Variants in PRKN observed in about 807,000 individuals in gnomAD.
The protein encoded by PRKN is E3 ubiquitin-protein ligase parkin.
PRKN carries 56 observed loss-of-function variants against 59.5 expected under a neutral mutation model. The ratio of observed to expected loss-of-function variants is 0.94; its 90% CI spans 0.76 to 1.18. The LOEUF is 1.18. PRKN is among the 50% of genes most tolerant of loss of function. The pLI, the probability that PRKN is intolerant of heterozygous loss-of-function variation, is 0.00. For synonymous variants in PRKN, 250 were observed against 222.1 expected, an observed-to-expected ratio of 1.13 and a Z score of -1.12; for missense variants, 657 against 596.4, an observed-to-expected ratio of 1.10 and a Z score of -1.06.
intron 2 of PRKN, among the ~76,000 whole-genome samples, chr6:162,313,079 T>G (rs1253359569): frequency 1.3e-5 from 2 of 152,182 alleles, no homozygotes; most frequent in African/African-American, 4.8e-5. Flanking sequence ...TTTTTTCTGC[T>G]GTAAAAAGTA....
At chr6:162,037,544 C>CTTTTT (rs543590715) in intron 5 of PRKN, among the ~76,000 whole-genome samples, 1 of 137,430 alleles carries the variant, frequency 7.3e-6, no homozygotes. Context: ...TTACCCTCTG[C>CTTTTT]TTTTTTTTTT....
chr6:161,984,341 T>A (rs1396489692), intron 5 of PRKN, among the ~76,000 whole-genome samples: 1 of 152,162 alleles, frequency 6.6e-6, no homozygotes, highest in Non-Finnish European at 1.5e-5. Context: ...CACCGCAACC[T>A]CCGTCCCGTG....
At chr6:162,354,970 T>C (rs552461335) in intron 2 of PRKN, among the ~76,000 whole-genome samples, 1 of 152,046 alleles carries the variant, frequency 6.6e-6, no homozygotes, top group East Asian at 1.9e-4. Flanking sequence ...ATTAAAAAAA[T>C]AATATTGTTA....
Position 161,417,448 on chromosome 6 carries a change from C to CAA in PRKN, c.1084-30573_1084-30572dup, listed in dbSNP as rs397741750. Among the ~76,000 whole-genome samples the CAA allele has an allele frequency of 7.5e-3, 852 of 112,858 alleles. 18 individuals are homozygous for CAA. Among genetic ancestry groups the CAA allele is most frequent in the South Asian group, 0.022 (78 of 3,488 alleles). 74.0% of individuals were successfully genotyped at this position (112,858 alleles called of 152,430 possible). On this transcript the variant is annotated intron_variant, in intron 9 of 11. Coordinates refer to ENST00000366898, the MANE Select transcript of PRKN (RefSeq NM_004562.3). The surrounding 1 kb of genome is among the most constrained non-coding windows in gnomAD (Gnocchi z 5.4). Reference sequence around the variant, plus strand: ...CTGGCAACAGAGCCAGACGCCGTTTCAAAAAAAAAAAAAAAAAGTCATCTA... The same window carrying CAA: ...CTGGCAACAGAGCCAGACGCCGTTTCAAAAAAAAAAAAAAAAAAAGTCATCTA...
At chr6:162,618,821 T>G (rs1453964613) in intron 1 of PRKN, among the ~76,000 whole-genome samples, 1 of 152,172 alleles carries the variant, frequency 6.6e-6, no homozygotes, top group Non-Finnish European at 1.5e-5. Flanking sequence ...GGATATTACA[T>G]GTGTAGAGAA....
chr6:162,166,938 C>T (rs969295111), intron 4 of PRKN, among the ~76,000 whole-genome samples: 1 of 152,134 alleles, frequency 6.6e-6, no homozygotes, highest in African/African-American at 2.4e-5. Context: ...CTGACTTTCC[C>T]AACTCCTCAA....
At chr6:162,442,926 C>G (rs1396257027) in intron 2 of PRKN, among the ~76,000 whole-genome samples, 2 of 152,106 alleles carry the variant, frequency 1.3e-5, no homozygotes, top group Non-Finnish European at 2.9e-5. Context: ...AGTGCAGGGA[C>G]TGAGCAGCCT....
At chr6:161,412,315 C>T (rs979812760) in intron 9 of PRKN, among the ~76,000 whole-genome samples, 2 of 148,546 alleles carry the variant, frequency 1.3e-5, no homozygotes, top group African/African-American at 5.0e-5. Flanking sequence ...CTCACTCATT[C>T]GTCCACTCAC....
chr6:162,679,674 T>C (rs1779695065), intron 1 of PRKN, among the ~76,000 whole-genome samples: 1 of 152,196 alleles, frequency 6.6e-6, no homozygotes, highest in African/African-American at 2.4e-5. Flanking sequence ...ATCTCAACTA[T>C]TCTGGGAGAC....
At chr6:162,136,224 A>C (rs1277463452) in intron 4 of PRKN, among the ~76,000 whole-genome samples, 1 of 151,982 alleles carries the variant, frequency 6.6e-6, no homozygotes, top group Non-Finnish European at 1.5e-5. Context: ...ATATACATGC[A>C]TATCTCACAC....
In PRKN at chr6:161,897,953, C is replaced by T. The variant is rs545922938; in HGVS notation, c.734+75349G>A. Among the ~76,000 whole-genome samples, 91 of 35,042 alleles carry T rather than the reference C, an allele frequency of 2.6e-3. 1 individual carries two copies. Among genetic ancestry groups the T allele is most frequent in the East Asian group, 0.02 (35 of 1,794 alleles). The allele number at this position is 35,042 out of a possible 152,430, so 23.0% of individuals were successfully genotyped here. A position where few individuals can be genotyped will look rare whatever the true frequency, so the allele number is the denominator to read the frequency against. ...CTGCACTCCAGCCTGGGTGACAGAG[C>T]GAGACTCCGTCTCAAAAAAAAAAAA... On this transcript the variant is annotated intron_variant, in intron 6 of 11. Coordinates refer to ENST00000366898, the MANE Select transcript of PRKN (RefSeq NM_004562.3).
At chr6:161,528,463 A>G (rs1368531271) in intron 9 of PRKN, among the ~76,000 whole-genome samples, 1 of 152,130 alleles carries the variant, frequency 6.6e-6, no homozygotes, top group East Asian at 1.9e-4. Context: ...CCCAGTGAAA[A>G]TGGGAAATAA....
intron 7 of PRKN, among the ~76,000 whole-genome samples, chr6:161,781,024 A>T (rs1790182705): frequency 6.6e-6 from 1 of 152,220 alleles, no homozygotes; most frequent in Admixed American, 6.5e-5. Context: ...GGAGATACAT[A>T]CTAAAACATG....
chr6:162,698,553 C>A (rs138212088), intron 1 of PRKN, among the ~76,000 whole-genome samples: 5 of 152,288 alleles, frequency 3.3e-5, no homozygotes, highest in African/African-American at 1.2e-4. Flanking sequence ...CTTCATTTTC[C>A]TCTTTCCCTG....
At position 162,140,818 on chromosome 6, in the gene PRKN, C is replaced by A. The variant is rs1158152488; in HGVS notation, c.534+60313G>T. 2.0e-5 allele frequency among the ~76,000 whole-genome samples: 3 copies of A among 152,104 alleles called. No individual in the cohort carries two copies. In the South Asian group the frequency reaches 6.2e-4, roughly 32 times the overall value. On this transcript the variant is annotated intron_variant, in intron 4 of 11. Coordinates refer to ENST00000366898, the MANE Select transcript of PRKN (RefSeq NM_004562.3). ...TTATATTAATTTTTAAAAGTGGTAG[C>A]ACAGGAAGACTGTAAGATTATTTAT...
intron 7 of PRKN, among the ~76,000 whole-genome samples, chr6:161,692,791 C>T (rs1006288944): frequency 6.6e-6 from 1 of 151,636 alleles, no homozygotes; most frequent in Non-Finnish European, 1.5e-5. Context: ...ACCAACCCCC[C>T]CACAAAAATT....
chr6:162,118,877 T>TCTCATTTAC (rs1780787833), intron 4 of PRKN, among the ~76,000 whole-genome samples: 1 of 152,214 alleles, frequency 6.6e-6, no homozygotes. Flanking sequence ...GCTGCCAGTC[T>TCTCATTTAC]AGAGCACACA....
At chr6:162,377,599 C>T (rs1786186908) in intron 2 of PRKN, among the ~76,000 whole-genome samples, 1 of 152,216 alleles carries the variant, frequency 6.6e-6, no homozygotes. Context: ...CAACACACGC[C>T]ACAGGCCCAT....
intron 3 of PRKN, among the ~76,000 whole-genome samples, chr6:162,224,777 A>T (rs1778094041): frequency 6.6e-6 from 1 of 152,064 alleles, no homozygotes; most frequent in African/African-American, 2.4e-5. Flanking sequence ...CTAGGGAGAA[A>T]ATCATGGCAA....
Sources: gnomAD v4.1 joint callset for allele counts (sites outside exome capture counted in the v4.1 genomes callset) on GRCh38, gnomAD v4.1.1 for gene constraint, Gnocchi (gnomAD v3.1) non-coding constraint, MANE v1.5 for transcripts, NCBI Gene and HGNC (gene_info 2026-07-23, HGNC 2026-07-21) for gene names.